KCNH5: variants seen among roughly 807,000 people sequenced by gnomAD.
The protein encoded by KCNH5 is voltage-gated delayed rectifier potassium channel KCNH5.
In KCNH5, 46 loss-of-function variants were observed where a neutral mutation model predicts 96.1. That is an observed-to-expected ratio of 0.48 (90% CI 0.38 to 0.61). The LOEUF is 0.61. KCNH5 is among the 20% of genes least tolerant of loss of function. The pLI, the probability that KCNH5 is intolerant of heterozygous loss-of-function variation, is 0.00. For synonymous variants in KCNH5, 439 were observed against 449.8 expected, an observed-to-expected ratio of 0.98 and a Z score of 0.30; for missense variants, 907 against 1,225.8, an observed-to-expected ratio of 0.74 and a Z score of 3.88.
At chr14:62,875,534 A>C (rs1888354050) in intron 7 of KCNH5, among the ~76,000 whole-genome samples, 1 of 152,128 alleles carries the variant, frequency 6.6e-6, no homozygotes, top group Non-Finnish European at 1.5e-5. Flanking sequence ...CAGAAATTAA[A>C]AAGTCAAGAA....
chr14:62,864,188 A>T (rs375398696), intron 7 of KCNH5, among the ~76,000 whole-genome samples: 4 of 152,208 alleles, frequency 2.6e-5, no homozygotes, highest in African/African-American at 9.6e-5. Context: ...AATTTTTTAA[A>T]AAGTGTATAA....
chr14:63,000,448 G>A (rs1035961441), intron 4 of KCNH5, among the ~76,000 whole-genome samples: 1 of 152,148 alleles, frequency 6.6e-6, no homozygotes, highest in African/African-American at 2.4e-5. Context: ...ACATGCCACT[G>A]ACTAGTGGTT....
At chr14:62,981,780 T>C (rs150435668) in intron 5 of KCNH5, among the ~76,000 whole-genome samples, 1,587 of 152,324 alleles carry the variant, frequency 0.01, 14 homozygotes, top group Non-Finnish European at 0.017. Flanking sequence ...GTAAAGGGTA[T>C]CGCCTGCTTT....
chr14:62,973,098 A>G (rs1890439117), intron 6 of KCNH5, among the ~76,000 whole-genome samples: 1 of 145,784 alleles, frequency 6.9e-6, no homozygotes, highest in East Asian at 2.0e-4. Context: ...GAATCTATGC[A>G]TGTTTGGGAG....
chr14:62,971,647 G>GA (rs1424153022), intron 6 of KCNH5, among the ~76,000 whole-genome samples: 1 of 124,080 alleles, frequency 8.1e-6, no homozygotes, highest in Non-Finnish European at 1.7e-5. Flanking sequence ...TGGTATTGGA[G>GA]AAAAAATAGA....
chr14:62,739,453 T>C (rs953980609), intron 10 of KCNH5, among the ~76,000 whole-genome samples: 5 of 152,032 alleles, frequency 3.3e-5, no homozygotes, highest in Middle Eastern at 3.4e-3. Context: ...AATTTTTTTT[T>C]CTTTTTTTGT....
At chr14:62,887,916 T>C (rs142370125) in intron 7 of KCNH5, among the ~76,000 whole-genome samples, 110 of 152,312 alleles carry the variant, frequency 7.2e-4, no homozygotes, top group African/African-American at 2.5e-3. Context: ...CCTCATCACC[T>C]GCTAGGGTCC....
At chr14:63,035,670 T>C (rs1472264339) in intron 1 of KCNH5, among the ~76,000 whole-genome samples, 1 of 152,292 alleles carries the variant, frequency 6.6e-6, no homozygotes, top group South Asian at 2.1e-4. Flanking sequence ...TGTTGTTTGT[T>C]TGGGTTTAGT....
chr14:62,795,063 C>T (rs1886512090), intron 9 of KCNH5, among the ~76,000 whole-genome samples: 1 of 152,088 alleles, frequency 6.6e-6, no homozygotes, highest in Non-Finnish European at 1.5e-5. Flanking sequence ...ACAGTTTCCC[C>T]CTCAATTATC....
chr14:62,961,262 T>TC (rs1336456200), intron 6 of KCNH5, among the ~76,000 whole-genome samples: 1 of 152,188 alleles, frequency 6.6e-6, no homozygotes, highest in Admixed American at 6.5e-5. Flanking sequence ...TCTTCTGCTC[T>TC]CTACACTCTG....
intron 9 of KCNH5, among the ~76,000 whole-genome samples, chr14:62,793,455 T>G (rs1430391775): frequency 6.6e-6 from 1 of 151,784 alleles, no homozygotes; most frequent in African/African-American, 2.4e-5. Context: ...GTATCAATTA[T>G]ACCTCAATAA....
At chr14:62,737,959 C>T (rs551488229) in intron 10 of KCNH5, among the ~76,000 whole-genome samples, 15 of 152,138 alleles carry the variant, frequency 9.9e-5, no homozygotes, top group South Asian at 2.1e-4. Context: ...TTCCTATACC[C>T]GCCTACCTAT....
chr14:63,027,790 G>A (rs923761074), intron 1 of KCNH5, among the ~76,000 whole-genome samples: 1 of 151,968 alleles, frequency 6.6e-6, no homozygotes, highest in Admixed American at 6.6e-5. Flanking sequence ...AAGAAAGACT[G>A]TAAACATTAA....
intron 10 of KCNH5, among the ~76,000 whole-genome samples, chr14:62,730,752 T>G (rs758321555): frequency 1.2e-4 from 18 of 152,172 alleles, no homozygotes; most frequent in Non-Finnish European, 2.5e-4. Flanking sequence ...AGAATTAAAA[T>G]CTATCTTACT....
chr14:62,931,793 C>T (rs1469421971), intron 7 of KCNH5, among the ~76,000 whole-genome samples: 1 of 152,096 alleles, frequency 6.6e-6, no homozygotes, highest in Non-Finnish European at 1.5e-5. Flanking sequence ...TTCCCTAATT[C>T]CACAGAGCCA....
intron 7 of KCNH5, among the ~76,000 whole-genome samples, chr14:62,940,282 A>G (rs942362102): frequency 3.3e-5 from 5 of 152,258 alleles, no homozygotes; most frequent in East Asian, 1.9e-4. Context: ...AACAGAGACC[A>G]TATGGCTCAC....
chr14:62,881,099 T>C (rs1020388495), intron 7 of KCNH5, among the ~76,000 whole-genome samples: 2 of 152,214 alleles, frequency 1.3e-5, no homozygotes, highest in African/African-American at 4.8e-5. Flanking sequence ...TTCAATAAAA[T>C]GCTTATGCAT....
chr14:62,854,010 AAAAAAAAAC>A (rs773246671), intron 7 of KCNH5, among the ~76,000 whole-genome samples: 2,415 of 146,950 alleles, frequency 0.016, 32 homozygotes, highest in Middle Eastern at 0.028. Flanking sequence ...CTGTCAAAAA[AAAAAAAAAC>A]AAAAAAAACA....
chr14:62,985,056 G>A (rs1017521946), intron 5 of KCNH5, among the ~76,000 whole-genome samples: 1 of 152,072 alleles, frequency 6.6e-6, no homozygotes, highest in African/African-American at 2.4e-5. Context: ...AGCTTGATTT[G>A]CAGAAAGAAA....
Sources: allele counts gnomAD v4.1 joint callset (sites outside exome capture counted in the v4.1 genomes callset), GRCh38; gene constraint gnomAD v4.1.1; transcripts MANE v1.5; gene names NCBI Gene and HGNC (gene_info 2026-07-23, HGNC 2026-07-21).